Variants in COL21A1 observed in about 807,000 individuals in gnomAD.
The protein encoded by COL21A1 is collagen type XXI alpha 1 chain, also known as collagen alpha-1(XXI) chain.
Under a neutral mutation model 137.9 loss-of-function variants are expected in COL21A1, and 149 were observed. The observed-to-expected ratio is 1.08, with a 90% CI of 0.95 to 1.24. The LOEUF is 1.24. COL21A1 is among the 50% of genes most tolerant of loss of function. The pLI, the probability that COL21A1 is intolerant of heterozygous loss-of-function variation, is 0.00. For missense variants in COL21A1, 1,167 were observed against 1,158.4 expected (o/e 1.01, Z -0.11); for synonymous variants, 456 against 391.5 (o/e 1.16, Z -1.95).
chr6:56,096,831 G>A (rs1466825791), intron 17 of COL21A1, among the ~76,000 whole-genome samples: 5 of 152,054 alleles, frequency 3.3e-5, no homozygotes, highest in African/African-American at 1.2e-4. Context: ...GCCCTTTATA[G>A]TAGAGCCAAG....
chr6:56,385,575 A>G (rs74869043), intron 1 of COL21A1, among the ~76,000 whole-genome samples: 3,155 of 152,230 alleles, frequency 0.021, 104 homozygotes, highest in African/African-American at 0.07. Flanking sequence ...GATAAAATCC[A>G]CATAACATAA....
chr6:56,328,367 G>A (rs1562058967), intron 1 of COL21A1, among the ~76,000 whole-genome samples: 2 of 152,064 alleles, frequency 1.3e-5, no homozygotes, highest in African/African-American at 2.4e-5. Context: ...CAAAGCCAGA[G>A]TATAATTGTC....
chr6:56,185,327 G>GA (rs1481161748), intron 1 of COL21A1, among the ~76,000 whole-genome samples: 8 of 147,900 alleles, frequency 5.4e-5, no homozygotes, highest in Admixed American at 5.4e-4. Context: ...AAACAACAGA[G>GA]AAAACATAAA....
chr6:56,136,798 G>C (rs1234117398), intron 12 of COL21A1, among the ~76,000 whole-genome samples: 1 of 152,026 alleles, frequency 6.6e-6, no homozygotes, highest in Non-Finnish European at 1.5e-5. Context: ...AATACATTTT[G>C]CAATTTAAAG....
At chr6:56,259,663 C>G (rs1763203915) in intron 1 of COL21A1, among the ~76,000 whole-genome samples, 1 of 152,200 alleles carries the variant, frequency 6.6e-6, no homozygotes. Flanking sequence ...CATTGTTTCT[C>G]TTTTGGCAGT....
At chr6:56,188,845 G>A (rs2152288173) in intron 1 of COL21A1, among the ~76,000 whole-genome samples, 1 of 152,320 alleles carries the variant, frequency 6.6e-6, no homozygotes, top group Admixed American at 6.5e-5. Context: ...CAAACAGGAT[G>A]TGGAATGGAC....
At chr6:56,296,501 C>T (rs757980731) in intron 1 of COL21A1, among the ~76,000 whole-genome samples, 13 of 151,920 alleles carry the variant, frequency 8.6e-5, no homozygotes, top group South Asian at 2.1e-4. Flanking sequence ...TAAAGTATTA[C>T]GTTCCCTCTC....
At chr6:56,386,736 G>A (rs2094019039) in intron 1 of COL21A1, among the ~76,000 whole-genome samples, 1 of 151,890 alleles carries the variant, frequency 6.6e-6, no homozygotes, top group African/African-American at 2.4e-5. Context: ...TGAATTTGAA[G>A]GTTGTATGTA....
intron 16 of COL21A1, among the ~76,000 whole-genome samples, chr6:56,115,027 C>T (rs1771793844): frequency 6.6e-6 from 1 of 151,948 alleles, no homozygotes; most frequent in South Asian, 2.1e-4. Flanking sequence ...TGGAAATCAT[C>T]ATTCTCAGTA....
intron 1 of COL21A1, among the ~76,000 whole-genome samples, chr6:56,301,768 G>A (rs1436794303): frequency 6.6e-6 from 1 of 151,894 alleles, no homozygotes; most frequent in Non-Finnish European, 1.5e-5. Flanking sequence ...GTGCAGGTTG[G>A]TTACATATGT....
chr6:56,108,688 C>T (rs575468979), intron 16 of COL21A1, among the ~76,000 whole-genome samples: 2 of 150,600 alleles, frequency 1.3e-5, no homozygotes, highest in South Asian at 2.1e-4. Flanking sequence ...ACAGGCCAAA[C>T]AAACAAAGAA....
At chr6:56,219,119 T>C (rs1243382056) in intron 1 of COL21A1, among the ~76,000 whole-genome samples, 1 of 142,752 alleles carries the variant, frequency 7.0e-6, no homozygotes. Context: ...TAACATGCAA[T>C]GAAAAGTGGA....
intron 1 of COL21A1, among the ~76,000 whole-genome samples, chr6:56,392,160 G>C (rs114256928): frequency 0.056 from 8,455 of 152,098 alleles, 708 homozygotes; most frequent in African/African-American, 0.18. Context: ...GATCAAGTGG[G>C]ATTCATCCCA....
intron 1 of COL21A1, among the ~76,000 whole-genome samples, chr6:56,355,677 T>C (rs1481260635): frequency 6.6e-6 from 1 of 152,180 alleles, no homozygotes; most frequent in African/African-American, 2.4e-5. Flanking sequence ...CAGAAACAAG[T>C]TTTTGTAGAT....
In COL21A1 at chr6:56,150,572, G is replaced by A. The variant is rs116344447; in HGVS notation, c.1434+6315C>T. 6.1e-3 allele frequency among the ~76,000 whole-genome samples: 857 copies of A among 140,438 alleles called. 13 individuals carry two copies. The highest frequency in any genetic ancestry group is 0.024 in the African/African-American group (822 of 33,974). The allele number at this position is 140,438 out of a possible 152,430, so 92.1% of individuals were successfully genotyped here. A position where few individuals can be genotyped will look rare whatever the true frequency, so the allele number is the denominator to read the frequency against. ...CACACACACACACACACACAAGAGT[G>A]GGGGGAACTGAATCACGAACTGTGA... On this transcript the variant is annotated intron_variant, in intron 10 of 29. Coordinates refer to ENST00000244728, the MANE Select transcript of COL21A1 (RefSeq NM_030820.4).
chr6:56,097,871 C>A (rs191195586), intron 17 of COL21A1, among the ~76,000 whole-genome samples: 26,740 of 41,250 alleles, frequency 0.65, 8,929 homozygotes, highest in East Asian at 0.83. Flanking sequence ...ATAAAAATAT[C>A]TATAAATATA....
At chr6:56,119,098 A>G (rs898998261) in intron 16 of COL21A1, among the ~76,000 whole-genome samples, 1 of 152,128 alleles carries the variant, frequency 6.6e-6, no homozygotes, top group African/African-American at 2.4e-5. Flanking sequence ...GACAAGAGAA[A>G]GTTATAAAGG....
intron 10 of COL21A1, among the ~76,000 whole-genome samples, chr6:56,152,490 A>G (rs182003256): frequency 6.6e-6 from 1 of 152,342 alleles, no homozygotes; most frequent in East Asian, 1.9e-4. Context: ...TGAGACTACT[A>G]TCAGATACTA....
intron 8 of COL21A1, 75 bp from the exon 9 acceptor site, chr6:56,164,581 T>G: frequency 8.8e-7 from 1 of 1,130,030 alleles, no homozygotes; most frequent in Non-Finnish European, 1.3e-6. Flanking sequence ...TGTTTATGCA[T>G]TTATATATTT....
Sources: allele counts gnomAD v4.1 joint callset (sites outside exome capture counted in the v4.1 genomes callset), GRCh38; gene constraint gnomAD v4.1.1; transcripts MANE v1.5; gene names NCBI Gene and HGNC (gene_info 2026-07-23, HGNC 2026-07-21).